TNC: variants seen among roughly 807,000 people sequenced by gnomAD.
TNC encodes tenascin C, also known as tenascin.
Under a neutral mutation model 202.4 loss-of-function variants are expected in TNC, and 109 were observed. The ratio of observed to expected loss-of-function variants is 0.54; its 90% CI spans 0.46 to 0.63. The LOEUF (loss-of-function observed/expected upper bound fraction) is 0.63, where lower values mean the gene tolerates loss of function less well. Among genes scored for constraint, TNC ranks in the 30% least tolerant of loss-of-function variants. The pLI, the probability that TNC is intolerant of heterozygous loss-of-function variation, is 0.00. For synonymous variants in TNC, 1,007 were observed against 1,089.7 expected, an observed-to-expected ratio of 0.92 and a Z score of 1.50; for missense variants, 2,756 against 2,833.3, an observed-to-expected ratio of 0.97 and a Z score of 0.62.
At chr9:115,095,648 A>G (rs190143316) in intron 1 of TNC, among the ~76,000 whole-genome samples, 6 of 7,528 alleles carry the variant, frequency 8.0e-4, no homozygotes, top group Admixed American at 3.3e-3. Flanking sequence ...GTATATATAT[A>G]TGTATATATA....
chr9:115,048,245 C>T lies in TNC; in HGVS notation c.4852+15G>A, dbSNP rs374680454. On this transcript the variant is annotated intron_variant, in intron 16 of 27. Coordinates refer to ENST00000350763, the MANE Select transcript of TNC (RefSeq NM_002160.4). Reference sequence around the variant, plus strand: ...ACCAGGAAGAGGAACAAATGGCTCACTTGATTTGAAATACCTGTAACAATC... The same window carrying T: ...ACCAGGAAGAGGAACAAATGGCTCATTTGATTTGAAATACCTGTAACAATC... The T allele has an allele frequency of 1.1e-5, 18 of 1,609,382 alleles. No individual in the cohort carries two copies. The African/African-American group carries it at 1.6e-4, about 14-fold the overall frequency.
intron 18 of TNC, 117 bp downstream of exon 18, chr9:115,042,102 A>G (rs773351644): frequency 1.9e-5 from 27 of 1,442,152 alleles, no homozygotes; most frequent in Non-Finnish European, 2.4e-5. Flanking sequence ...TCTCACAAAT[A>G]AAGAATTCAT....
intron 1 of TNC, among the ~76,000 whole-genome samples, chr9:115,095,452 ATATATGTATATATATATG>A (rs1264506346): frequency 2.3e-5 from 2 of 87,520 alleles, no homozygotes; most frequent in African/African-American, 9.5e-5. Context: ...ATGTGTATAT[ATATATGTATATATATATG>A]TATATATATG....
intron 10 of TNC, among the ~76,000 whole-genome samples, chr9:115,068,465 G>C (rs997650656): frequency 6.6e-6 from 1 of 152,212 alleles, no homozygotes; most frequent in African/African-American, 2.4e-5. Flanking sequence ...AGGGGAGAAA[G>C]AGTGATTCTC....
chr9:115,091,010 G>A lies in TNC; in HGVS notation c.9C>T (p.Ala3=). 4.3e-6 allele frequency: 7 copies of A among 1,610,026 alleles called. No individual in the cohort carries two copies. Among genetic ancestry groups the A allele is most frequent in the Non-Finnish European group, 5.9e-6 (7 of 1,179,830 alleles). Reference sequence around the variant, plus strand: ...AGACACCTGCCAACAGCTGAGTCATGGCCCCCATGGTGGAGGTGGGTTTGG... The same window carrying A: ...AGACACCTGCCAACAGCTGAGTCATAGCCCCCATGGTGGAGGTGGGTTTGG... MG[A]MTQLLAGVFL... is the part of the protein sequence containing the mutation. Residue 3 remains alanine (A), a synonymous_variant, in exon 2 of 28, where the codon GCC becomes GCT. Coordinates refer to ENST00000350763, the MANE Select transcript of TNC (RefSeq NM_002160.4).
intron 10 of TNC, among the ~76,000 whole-genome samples, chr9:115,067,035 C>G (rs1467356167): frequency 1.3e-5 from 2 of 152,314 alleles, no homozygotes; most frequent in Admixed American, 1.3e-4. Context: ...CAGTTCTTAA[C>G]CACCTAAACA....
chr9:115,054,787 C>T lies in TNC; in HGVS notation c.4579+2366G>A, dbSNP rs182495565. 7.2e-5 allele frequency among the ~76,000 whole-genome samples: 11 copies of T among 152,330 alleles called. No homozygotes were observed. The East Asian group carries it at 1.7e-3, about 24-fold the overall frequency. The stretch of plus-strand genomic sequence containing the variant: ...AAAGAAACATTTTCAAAATTTAATG[C>T]TCTGAATATTCACCACATGCACCAA... On this transcript the variant is annotated intron_variant, in intron 15 of 27. Transcript: ENST00000350763.
Position 115,076,446 on chromosome 9 carries a change from T to C in TNC, c.2804A>G (p.His935Arg), listed in dbSNP as rs1488675075. The C allele has an allele frequency of 5.0e-6, 8 of 1,614,178 alleles. No individual in the cohort carries two copies. Among genetic ancestry groups the C allele is most frequent in the Non-Finnish European group, 5.9e-6 (7 of 1,180,032 alleles). Residue 935 changes from histidine to arginine, a missense_variant, in exon 8 of 28, where the codon CAC (histidine) becomes CGC (arginine). This residue lies in a region of TNC where 2,559 missense variants were observed against 2,546.0 expected (regional missense o/e 1.01). Transcript: ENST00000350763. ...GCTCTTTGGAACATCAACCTCAGCG[T>C]GGTCCCCTCCAGAGATGGGGGCATA... is the stretch of plus-strand genomic sequence containing the variant. ...IKYAPISGGDHAEVDVPKSQQ... is the reference protein window; with the variant it reads ...IKYAPISGGDRAEVDVPKSQQ...
chr9:115,069,417 GGA>G (rs1491561713), intron 10 of TNC, among the ~76,000 whole-genome samples: 1 of 151,768 alleles, frequency 6.6e-6, no homozygotes, highest in African/African-American at 2.4e-5. Context: ...AGAGAGGAGA[GGA>G]GAGAGAAGAG....
In TNC at chr9:115,056,074, C is replaced by A. The variant is rs192084035; in HGVS notation, c.4579+1079G>T. Among the ~76,000 whole-genome samples, 10 of 152,320 alleles carry A rather than the reference C, an allele frequency of 6.6e-5. No individual in the cohort carries two copies. In the East Asian group the frequency reaches 1.7e-3, roughly 26 times the overall value. On this transcript the variant is annotated intron_variant, in intron 15 of 27. Coordinates refer to ENST00000350763, the MANE Select transcript of TNC (RefSeq NM_002160.4). ...GAATGAGGACAGACCCTCTCTCAAC[C>A]ATGGGTGACCTAAATGACAGGCAAT...
At chr9:115,068,576 G>A (rs1416970312) in intron 10 of TNC, among the ~76,000 whole-genome samples, 1 of 152,154 alleles carries the variant, frequency 6.6e-6, no homozygotes, top group Non-Finnish European at 1.5e-5. Flanking sequence ...GAAATGAGAA[G>A]CCTTGGCTGC....
intron 26 of TNC, 24 bp from the exon 27 acceptor site, chr9:115,024,160 C>T: frequency 6.2e-7 from 1 of 1,604,804 alleles, no homozygotes; most frequent in Non-Finnish European, 8.5e-7. Context: ...AAAATATGGA[C>T]CTGAGAAATC....
chr9:115,104,874 T>C (rs1836494284), intron 1 of TNC, among the ~76,000 whole-genome samples: 1 of 152,236 alleles, frequency 6.6e-6, no homozygotes, highest in Non-Finnish European at 1.5e-5. Flanking sequence ...AGAAAGATTC[T>C]GTGGCTATGA....
chr9:115,030,242 G>C lies in TNC; in HGVS notation c.6072+12C>G. The C allele has an allele frequency of 6.2e-7, 1 of 1,603,314 alleles. No homozygotes were observed. Among genetic ancestry groups the C allele is most frequent in the Non-Finnish European group, 8.5e-7 (1 of 1,171,716 alleles). On this transcript the variant is annotated intron_variant, in intron 24 of 27. Coordinates refer to ENST00000350763, the MANE Select transcript of TNC (RefSeq NM_002160.4). ...TAGGCCTGAGGGCTCTGCAGTCCCT[G>C]GTGGTACTCACAATCCATCCACCCC...
chr9:115,065,901 C>CA (rs35177151), intron 10 of TNC, among the ~76,000 whole-genome samples: 1,781 of 44,648 alleles, frequency 0.04, 37 homozygotes, highest in African/African-American at 0.064. Context: ...GACTCCATCT[C>CA]AAAAAAAAAA....
chr9:115,048,468 G>T lies in TNC; in HGVS notation c.4644C>A (p.Ser1548=). 1 of 1,613,978 alleles carries T rather than the reference G, an allele frequency of 6.2e-7. No homozygotes were observed. The highest frequency in any genetic ancestry group is 1.3e-5 in the African/African-American group (1 of 75,024). ...CAAAGGCATTCTCCGATGCCATCCAGGAAACTGTGAACCCGTAGGGATTAA... is the reference window on the plus strand; with the variant it reads ...CAAAGGCATTCTCCGATGCCATCCATGAAACTGTGAACCCGTAGGGATTAA... ...SDINPYGFTV[S]WMASENAFDS... The change falls in exon 16 of 28, where the codon TCC becomes TCA. Residue 1548 remains serine, a synonymous_variant. Transcript: ENST00000350763.
At chr9:115,041,893 A>G (rs1030638593) in intron 18 of TNC, among the ~76,000 whole-genome samples, 3 of 152,222 alleles carry the variant, frequency 2.0e-5, no homozygotes, top group Non-Finnish European at 4.4e-5. Flanking sequence ...AGCTTTTCAG[A>G]TGAGTGTGCG....
At chr9:115,035,370 C>T in intron 21 of TNC, 36 bp from the exon 22 acceptor site, 1 of 1,583,638 alleles carries the variant, frequency 6.3e-7, no homozygotes, top group East Asian at 2.3e-5. Flanking sequence ...CGGATAAGAT[C>T]AGCAAATGTA....
chr9:115,041,559 A>T (rs912495431), intron 18 of TNC, among the ~76,000 whole-genome samples: 2 of 152,224 alleles, frequency 1.3e-5, no homozygotes, highest in African/African-American at 4.8e-5. Context: ...GTTTATTAAT[A>T]AACACAGAAA....
Sources: gnomAD v4.1 joint callset for allele counts (sites outside exome capture counted in the v4.1 genomes callset) on GRCh38, gnomAD v4.1.1 for gene constraint, gnomAD v4.1.1 regional missense constraint, MANE v1.5 for transcripts, NCBI Gene and HGNC (gene_info 2026-07-23, HGNC 2026-07-21) for gene names.